ANKRD17: variants seen among roughly 807,000 people sequenced by gnomAD.
The protein encoded by ANKRD17 is ankyrin repeat domain 17.
ANKRD17 carries 19 observed loss-of-function variants against 229.7 expected under a neutral mutation model. That is an observed-to-expected ratio of 0.08 (90% CI 0.06 to 0.12). ANKRD17 has a LOEUF of 0.12. Among genes scored for constraint, ANKRD17 ranks in the 10% least tolerant of loss-of-function variants. The pLI, the probability that ANKRD17 is intolerant of heterozygous loss-of-function variation, is 1.00. For synonymous variants in ANKRD17, 1,112 were observed against 1,146.1 expected, an observed-to-expected ratio of 0.97 and a Z score of 0.60; for missense variants, 2,176 against 3,176.8, an observed-to-expected ratio of 0.68 and a Z score of 7.57.
chr4:73,098,581 T>A, intron 25 of ANKRD17, 61 bp from the exon 26 acceptor site: 1 of 1,480,780 alleles, frequency 6.8e-7, no homozygotes, highest in Non-Finnish European at 9.2e-7. Flanking sequence ...TATTTAGCTA[T>A]AAGCACTTGA....
Position 73,120,333 on chromosome 4 carries a change from C to A in ANKRD17, c.3854G>T (p.Gly1285Val). 6.2e-7 allele frequency: 1 copy of A among 1,613,750 alleles called. No homozygotes were observed. The highest frequency in any genetic ancestry group is 8.5e-7 in the Non-Finnish European group (1 of 1,179,868). The change falls in exon 21 of 34, where the codon GGT becomes GTT. Residue 1285 changes from glycine (G) to valine (V), a missense_variant. Around this residue, in one of 18 missense-constraint regions of ANKRD17, gnomAD observed 178 missense variants for 421.7 expected, o/e 0.42. Coordinates refer to ENST00000358602, the MANE Select transcript of ANKRD17 (RefSeq NM_032217.5). ...KANVEHRAKT[G>V]LTPLMEAASG... ...GGCAGCTTCCATTAGTGGTGTGAGACCAGTCTAAGTTTAGTGTAAAATTAA... is the reference window on the plus strand; with the variant it reads ...GGCAGCTTCCATTAGTGGTGTGAGAACAGTCTAAGTTTAGTGTAAAATTAA...
chr4:73,082,156 T>TAAA (rs11367760), intron 30 of ANKRD17, among the ~76,000 whole-genome samples: 3 of 129,068 alleles, frequency 2.3e-5, no homozygotes, highest in Non-Finnish European at 3.2e-5. Context: ...TCTTTTTATT[T>TAAA]AAAAAAAAAA....
chr4:73,195,938 T>G (rs1737808569), intron 1 of ANKRD17, among the ~76,000 whole-genome samples: 1 of 152,158 alleles, frequency 6.6e-6, no homozygotes, highest in South Asian at 2.1e-4. Flanking sequence ...ATTTGTATGT[T>G]CTCTCCCTCT....
chr4:73,164,538 A>G (rs988567223), intron 2 of ANKRD17, among the ~76,000 whole-genome samples: 11 of 152,194 alleles, frequency 7.2e-5, no homozygotes, highest in Non-Finnish European at 1.2e-4. Context: ...GTGGTGGCTT[A>G]CGCCTGTAAT....
chr4:73,193,934 A>T (rs1737487530), intron 1 of ANKRD17, among the ~76,000 whole-genome samples: 1 of 152,170 alleles, frequency 6.6e-6, no homozygotes. Flanking sequence ...CTTGTCTCAA[A>T]AACAACAACA....
chr4:73,113,286 T>C, intron 24 of ANKRD17: 1 of 1,289,292 alleles, frequency 7.8e-7, no homozygotes, highest in Non-Finnish European at 1.0e-6. Context: ...CCCATGGGAA[T>C]AGATGGGAAT....
rs369201069 is a variant in ANKRD17 at position 73,124,909 on chromosome 4, T to C, written c.3492+4A>G. 8 of 1,613,530 alleles carry C rather than the reference T, an allele frequency of 5.0e-6. No individual in the cohort carries two copies. The highest frequency in any genetic ancestry group is 4.0e-5 in the African/African-American group (3 of 74,858). Reference sequence around the variant, plus strand: ...AAAACAATTACACTAAGGGGAAACATTACCTCCTGTCTTCCCCCAGAACAA... The same window carrying C: ...AAAACAATTACACTAAGGGGAAACACTACCTCCTGTCTTCCCCCAGAACAA... On this transcript the variant is annotated splice_donor_region_variant and intron_variant, in intron 18 of 33. Transcript: ENST00000358602.
At position 73,076,172 on chromosome 4, in the gene ANKRD17, G is replaced by A; in HGVS notation, c.*59C>T. Reference sequence around the variant, plus strand: ...ATTTGGGAGCATAATTTTTTTTTTCGGCCACTTGTGATTTCCTCCAAATGA... The same window carrying A: ...ATTTGGGAGCATAATTTTTTTTTTCAGCCACTTGTGATTTCCTCCAAATGA... On this transcript the variant is annotated 3_prime_UTR_variant, in exon 34 of 34. Coordinates refer to ENST00000358602, the MANE Select transcript of ANKRD17 (RefSeq NM_032217.5). 4.7e-6 allele frequency: 7 copies of A among 1,494,198 alleles called. No individual in the cohort carries two copies. The highest frequency in any genetic ancestry group is 2.9e-5 in the African/African-American group (2 of 69,756). The allele number at this position is 1,494,198 out of a possible 1,614,324, so 92.6% of individuals were successfully genotyped here.
intron 1 of ANKRD17, among the ~76,000 whole-genome samples, chr4:73,231,009 A>G (rs1182974772): frequency 1.3e-5 from 2 of 152,220 alleles, no homozygotes; most frequent in African/African-American, 4.8e-5. Flanking sequence ...CATAACAGAA[A>G]TTACTTATTT....
Position 73,091,081 on chromosome 4 carries a change from G to T in ANKRD17, c.6547C>A (p.His2183Asn), listed in dbSNP as rs1722748594. The T allele has an allele frequency of 6.2e-7, 1 of 1,614,242 alleles. No individual in the cohort carries two copies. Among genetic ancestry groups the T allele is most frequent in the Non-Finnish European group, 8.5e-7 (1 of 1,180,050 alleles). ...TTCTTGTGAGGGGCAGTTGTGCCAT[G>T]AGGGGGTGGTCTAATAGCAGGGGTT... ...METPAIRPPP[H>N]GTTAPHKNSA... Residue 2183 changes from histidine (H) to asparagine (N), a missense_variant, in exon 29 of 34, where the codon CAT (histidine) becomes AAT (asparagine). Around this residue, in one of 18 missense-constraint regions of ANKRD17, gnomAD observed 424 missense variants for 454.0 expected, o/e 0.93. Transcript: ENST00000358602.
intron 1 of ANKRD17, among the ~76,000 whole-genome samples, chr4:73,211,220 T>G (rs1397532430): frequency 6.6e-6 from 1 of 151,970 alleles, no homozygotes; most frequent in African/African-American, 2.4e-5. Context: ...AAAAGAAGAC[T>G]AGGGTGGGAA....
intron 24 of ANKRD17, among the ~76,000 whole-genome samples, 162 bp downstream of exon 24, chr4:73,113,630 T>C (rs887910191): frequency 2.0e-5 from 3 of 152,226 alleles, no homozygotes; most frequent in Non-Finnish European, 4.4e-5. Flanking sequence ...TGATGTTCAA[T>C]GTACTCATAA....
chr4:73,097,002 G>A, intron 27 of ANKRD17, 115 bp downstream of exon 27: 1 of 1,236,212 alleles, frequency 8.1e-7, no homozygotes, highest in East Asian at 2.7e-5. Flanking sequence ...ATTTAGCCTT[G>A]AACCATCAGT....
In ANKRD17 at chr4:73,179,516, A is replaced by ATT. The variant is rs1329977316; in HGVS notation, c.394-1984_394-1983insAA. Among the ~76,000 whole-genome samples the ATT allele has an allele frequency of 1.1e-3, 62 of 57,130 alleles. 1 individual carries two copies. Among genetic ancestry groups the ATT allele is most frequent in the African/African-American group, 1.5e-3 (26 of 17,830 alleles). 37.5% of individuals were successfully genotyped at this position (57,130 alleles called of 152,430 possible). ...TATATATATATATATATATATATAT[A>ATT]TATTTTTTTTTTTTTTTTTAAAGAG... On this transcript the variant is annotated intron_variant, in intron 1 of 33. Coordinates refer to ENST00000358602, the MANE Select transcript of ANKRD17 (RefSeq NM_032217.5).
At chr4:73,135,390 C>G in intron 15 of ANKRD17, 125 bp from the exon 16 acceptor site, 1 of 801,698 alleles carries the variant, frequency 1.2e-6, no homozygotes, top group South Asian at 2.9e-5. Flanking sequence ...TACTATAGCA[C>G]TAATAACTAA....
At chr4:73,227,543 A>T (rs767032659) in intron 1 of ANKRD17, among the ~76,000 whole-genome samples, 21 of 152,224 alleles carry the variant, frequency 1.4e-4, no homozygotes, top group Middle Eastern at 3.2e-3. Flanking sequence ...TTGCCAACAG[A>T]AGTATTAAAG....
rs897850660 is a variant in ANKRD17 at position 73,078,907 on chromosome 4, T to C, written c.7160-17A>G. 6.2e-7 allele frequency: 1 copy of C among 1,602,096 alleles called. No individual in the cohort carries two copies. Among genetic ancestry groups the C allele is most frequent in the Non-Finnish European group, 8.5e-7 (1 of 1,174,608 alleles). On this transcript the variant is annotated splice_polypyrimidine_tract_variant and intron_variant, in intron 30 of 33. Coordinates refer to ENST00000358602, the MANE Select transcript of ANKRD17 (RefSeq NM_032217.5). The stretch of plus-strand genomic sequence containing the variant: ...CAGAAGAATCTAGAGAAGAGATATT[T>C]TGAAATAAAATACAGGTCATCTATA...
chr4:73,185,333 T>C (rs1210067339), intron 1 of ANKRD17, among the ~76,000 whole-genome samples: 1 of 151,860 alleles, frequency 6.6e-6, no homozygotes, highest in Non-Finnish European at 1.5e-5. Flanking sequence ...TGGAAAATAC[T>C]CTATTTATCA....
chr4:73,197,675 T>A (rs112021392), intron 1 of ANKRD17, among the ~76,000 whole-genome samples: 2,323 of 151,018 alleles, frequency 0.015, 52 homozygotes, highest in African/African-American at 0.044. Context: ...ATTAAAAAAA[T>A]TTTTTTTTTA....
Sources: allele counts gnomAD v4.1 joint callset (sites outside exome capture counted in the v4.1 genomes callset), GRCh38; gene constraint gnomAD v4.1.1; regional missense constraint gnomAD v4.1.1; transcripts MANE v1.5; gene names NCBI Gene and HGNC (gene_info 2026-07-23, HGNC 2026-07-21).